TIAM1: variants seen among roughly 807,000 people sequenced by gnomAD.
TIAM1 encodes rho guanine nucleotide exchange factor TIAM1.
A neutral mutation model predicts 163.5 loss-of-function variants in TIAM1; 65 were observed. The ratio of observed to expected loss-of-function variants is 0.40; its 90% CI spans 0.33 to 0.49. The LOEUF (loss-of-function observed/expected upper bound fraction) is 0.49, where lower values mean the gene tolerates loss of function less well. TIAM1 is among the 20% of genes least tolerant of loss of function. TIAM1 has a pLI of 0.77. For synonymous variants in TIAM1, 833 were observed against 810.1 expected (o/e 1.03, Z -0.48); for missense variants, 1,789 against 2,044.7 (o/e 0.87, Z 2.41).
chr21:31,313,785 C>T (rs1295699320), intron 2 of TIAM1, among the ~76,000 whole-genome samples: 5 of 152,140 alleles, frequency 3.3e-5, no homozygotes, highest in Non-Finnish European at 7.3e-5. Context: ...CCATGTTGGC[C>T]AGGCTGATCT....
chr21:31,497,810 G>A (rs1196377030), intron 1 of TIAM1, among the ~76,000 whole-genome samples: 1 of 152,246 alleles, frequency 6.6e-6, no homozygotes, highest in Non-Finnish European at 1.5e-5. Flanking sequence ...ATGAGCCACT[G>A]TGCTTGGAGA....
chr21:31,551,715 G>A (rs1366455569), intron 1 of TIAM1, among the ~76,000 whole-genome samples: 1 of 152,138 alleles, frequency 6.6e-6, no homozygotes, highest in East Asian at 1.9e-4. Flanking sequence ...AGTCTAGGCA[G>A]CAGAGCGAGA....
In TIAM1 at chr21:31,262,364, T is replaced by C. The variant is rs149458204; in HGVS notation, c.963+3646A>G. On this transcript the variant is annotated intron_variant, in intron 4 of 27. Transcript: ENST00000541036. ...TCTGTAACCAAAGAAATTCATAAAGTTCAGGCCCAAAGACGAACTAGCCAT... is the reference window on the plus strand; with the variant it reads ...TCTGTAACCAAAGAAATTCATAAAGCTCAGGCCCAAAGACGAACTAGCCAT... 9.4e-4 allele frequency among the ~76,000 whole-genome samples: 143 copies of C among 152,294 alleles called. 3 individuals are homozygous for C. In the East Asian group the frequency reaches 0.016, roughly 17 times the overall value.
chr21:31,151,329 G>A (rs1040888282), intron 19 of TIAM1, among the ~76,000 whole-genome samples: 2 of 152,160 alleles, frequency 1.3e-5, no homozygotes, highest in Admixed American at 1.3e-4. Context: ...CCCAAGAAAG[G>A]TGAATGGATA....
At chr21:31,338,703 A>G (rs1602032289) in intron 2 of TIAM1, among the ~76,000 whole-genome samples, 1 of 152,066 alleles carries the variant, frequency 6.6e-6, no homozygotes. Flanking sequence ...TTGCACGGCG[A>G]CCTCTTGATC....
At chr21:31,523,300 G>A (rs1248485691) in intron 1 of TIAM1, among the ~76,000 whole-genome samples, 1 of 152,144 alleles carries the variant, frequency 6.6e-6, no homozygotes, top group Non-Finnish European at 1.5e-5. Flanking sequence ...CAATGCTTTT[G>A]CAGAAAAAGT....
exon 1 of TIAM1, chr21:31,558,944 G>C (rs2123353666): frequency 6.6e-6 from 1 of 151,974 alleles, no homozygotes; most frequent in South Asian, 2.1e-4. Context: ...GGTCGTCCGG[G>C]ATCTCCGCGA....
rs2082847210 is a variant in TIAM1 at position 31,141,574 on chromosome 21, C to G, written c.3476-70G>C. The G allele has an allele frequency of 6.4e-7, 1 of 1,560,852 alleles. No individual in the cohort carries two copies. The highest frequency in any genetic ancestry group is 8.7e-7 in the Non-Finnish European group (1 of 1,148,176). On this transcript the variant is annotated intron_variant, in intron 20 of 27. Coordinates refer to ENST00000541036, the MANE Select transcript of TIAM1 (RefSeq NM_001353694.2). This position sits in a 1 kb window ranked among gnomAD's most constrained non-coding sequence, Gnocchi z 4.7. Reference sequence around the variant, plus strand: ...GACTCCCTTCCCACAATTTCCCTCCCTTCCTCAGTGACTCCAAGGTGCCTT... The same window carrying G: ...GACTCCCTTCCCACAATTTCCCTCCGTTCCTCAGTGACTCCAAGGTGCCTT...
chr21:31,403,494 A>T (rs1021299736), intron 2 of TIAM1, among the ~76,000 whole-genome samples: 7 of 152,190 alleles, frequency 4.6e-5, no homozygotes, highest in African/African-American at 7.2e-5. Context: ...GAGAAAACAA[A>T]AACAACTCCC....
chr21:31,323,880 T>G (rs1318644291), intron 2 of TIAM1, among the ~76,000 whole-genome samples: 2 of 151,722 alleles, frequency 1.3e-5, no homozygotes, highest in Non-Finnish European at 2.9e-5. Context: ...TGGTGGTGTG[T>G]GCTTGTAGTC....
intron 2 of TIAM1, among the ~76,000 whole-genome samples, chr21:31,458,293 G>A (rs575519774): frequency 3.9e-5 from 6 of 152,046 alleles, no homozygotes; most frequent in African/African-American, 7.2e-5. Flanking sequence ...GGGGGCGGGC[G>A]CCTGTAATCC....
At chr21:31,285,754 G>A (rs2073783705) in intron 2 of TIAM1, among the ~76,000 whole-genome samples, 1 of 152,092 alleles carries the variant, frequency 6.6e-6, no homozygotes, top group Admixed American at 6.5e-5. Context: ...TCAGCTACTC[G>A]GGAGGCTGAG....
At chr21:31,155,281 T>C (rs900047832) in intron 16 of TIAM1, among the ~76,000 whole-genome samples, 1 of 152,220 alleles carries the variant, frequency 6.6e-6, no homozygotes, top group Admixed American at 6.5e-5. Flanking sequence ...CCAGTAGTTT[T>C]CCAACTTGGC....
intron 2 of TIAM1, among the ~76,000 whole-genome samples, chr21:31,383,064 A>T (rs770733662): frequency 2.0e-5 from 3 of 151,932 alleles, no homozygotes; most frequent in African/African-American, 4.8e-5. Context: ...ACATGGTGAA[A>T]CCCCGTCTCT....
At chr21:31,300,368 T>C (rs1400856441) in intron 2 of TIAM1, among the ~76,000 whole-genome samples, 1 of 152,186 alleles carries the variant, frequency 6.6e-6, no homozygotes, top group Non-Finnish European at 1.5e-5. Flanking sequence ...GCATGAGCCA[T>C]AATAACTGGA....
At position 31,266,505 on chromosome 21, in the gene TIAM1, C is replaced by T; in HGVS notation, c.468G>A (p.Gly156=). The change falls in exon 4 of 28, where the codon GGG becomes GGA. Residue 156 remains glycine (G), a synonymous_variant. Coordinates refer to ENST00000541036, the MANE Select transcript of TIAM1 (RefSeq NM_001353694.2). ...AGCTCGCCGTCTCCATGAAAGTGGGCCCATTGGATGTATAGGAATGCTGCC... is the reference window on the plus strand; with the variant it reads ...AGCTCGCCGTCTCCATGAAAGTGGGTCCATTGGATGTATAGGAATGCTGCC... ...GRRQHSYTSN[G]PTFMETASFK... The T allele has an allele frequency of 6.2e-7, 1 of 1,614,168 alleles. No homozygotes were observed. Among genetic ancestry groups the T allele is most frequent in the Non-Finnish European group, 8.5e-7 (1 of 1,180,060 alleles).
At chr21:31,508,232 G>T (rs8128029) in intron 1 of TIAM1, among the ~76,000 whole-genome samples, 6,906 of 152,198 alleles carry the variant, frequency 0.045, 538 homozygotes, top group African/African-American at 0.16. Flanking sequence ...CATTTGCATT[G>T]CTTGACGCTT....
chr21:31,251,343 G>A (rs894034442), intron 5 of TIAM1, among the ~76,000 whole-genome samples: 1 of 152,110 alleles, frequency 6.6e-6, no homozygotes, highest in Non-Finnish European at 1.5e-5. Flanking sequence ...ACATGAATAG[G>A]TTCTAGCTTA....
chr21:31,276,189 A>G (rs989167609), intron 3 of TIAM1, among the ~76,000 whole-genome samples: 1 of 152,164 alleles, frequency 6.6e-6, no homozygotes, highest in Non-Finnish European at 1.5e-5. Flanking sequence ...ATTGAGACGA[A>G]GTTCTGAAAG....
Sources: allele counts gnomAD v4.1 joint callset (sites outside exome capture counted in the v4.1 genomes callset), GRCh38; gene constraint gnomAD v4.1.1; non-coding constraint Gnocchi (gnomAD v3.1); transcripts MANE v1.5; gene names NCBI Gene and HGNC (gene_info 2026-07-23, HGNC 2026-07-21).